Variants in ACVR1C observed in about 807,000 individuals in gnomAD.
The protein encoded by ACVR1C is activin receptor type-1C.
In ACVR1C, 23 loss-of-function variants were observed where a neutral mutation model predicts 57.9. The ratio of observed to expected loss-of-function variants is 0.40; its 90% CI spans 0.29 to 0.56. The LOEUF (loss-of-function observed/expected upper bound fraction) is 0.56, where lower values mean the gene tolerates loss of function less well. Among genes scored for constraint, ACVR1C ranks in the 20% least tolerant of loss-of-function variants. The pLI, the probability that ACVR1C is intolerant of heterozygous loss-of-function variation, is 0.50. For synonymous variants in ACVR1C, 214 were observed against 215.3 expected, an observed-to-expected ratio of 0.99 and a Z score of 0.05; for missense variants, 480 against 607.9, an observed-to-expected ratio of 0.79 and a Z score of 2.21.
chr2:157,601,352 G>A (rs1305988743), intron 1 of ACVR1C, among the ~76,000 whole-genome samples: 2 of 151,912 alleles, frequency 1.3e-5, no homozygotes, highest in African/African-American at 2.4e-5. Context: ...TAAAAAAGAA[G>A]GTAGGTTACC....
At chr2:157,590,745 A>C (rs1353039142) in intron 1 of ACVR1C, among the ~76,000 whole-genome samples, 1 of 151,958 alleles carries the variant, frequency 6.6e-6, no homozygotes, top group African/African-American at 2.4e-5. Flanking sequence ...ACATGTTTCA[A>C]GGCACTTTCC....
At chr2:157,597,198 T>C (rs950020043) in intron 1 of ACVR1C, among the ~76,000 whole-genome samples, 5 of 152,190 alleles carry the variant, frequency 3.3e-5, no homozygotes, top group African/African-American at 1.2e-4. Flanking sequence ...AAATACCTCC[T>C]GCTGCGACGC....
intron 1 of ACVR1C, among the ~76,000 whole-genome samples, chr2:157,598,502 T>A (rs1012338316): frequency 6.6e-6 from 1 of 151,686 alleles, no homozygotes; most frequent in Non-Finnish European, 1.5e-5. Flanking sequence ...TGGATAAACA[T>A]AATTGTATTT....
Position 157,531,938 on chromosome 2 carries a change from C to T in ACVR1C, c.*1980G>A, listed in dbSNP as rs1025308918. 7 of 152,086 alleles carry T rather than the reference C, an allele frequency of 4.6e-5. No individual in the cohort carries two copies. The highest frequency in any genetic ancestry group is 7.2e-5 in the African/African-American group (3 of 41,426). The allele number at this position is 152,086 out of a possible 1,614,324, so 9.4% of individuals were successfully genotyped here. On this transcript the variant is annotated 3_prime_UTR_variant, in exon 9 of 9. Transcript: ENST00000243349. ...TCCCTATTCCCATTCCCAAATTAGA[C>T]TTTAAAATCCCTGAGGGCAGGACCT... is the stretch of plus-strand genomic sequence containing the variant.
In ACVR1C at chr2:157,609,196, T is replaced by A. The variant is rs992364214; in HGVS notation, c.73+19376A>T. Among the ~76,000 whole-genome samples, 5 of 152,040 alleles carry A rather than the reference T, an allele frequency of 3.3e-5. No homozygotes were observed. In the South Asian group the frequency reaches 6.2e-4, roughly 19 times the overall value. On this transcript the variant is annotated intron_variant, in intron 1 of 8. Coordinates refer to ENST00000243349, the MANE Select transcript of ACVR1C (RefSeq NM_145259.3). ...TTTCACTGGTTTCAAGACTTTTTTT[T>A]AAATTTCCATCTTCATTTCTTCCTT...
chr2:157,610,259 G>A lies in ACVR1C; in HGVS notation c.73+18313C>T, dbSNP rs116252387. Among the ~76,000 whole-genome samples, 1,097 of 152,126 alleles carry A rather than the reference G, an allele frequency of 7.2e-3. 14 individuals are homozygous for A. Among genetic ancestry groups the A allele is most frequent in the African/African-American group, 0.025 (1,045 of 41,542 alleles). ...GTGGTGATAAATTCCCTCAGCATTT[G>A]CTTATCTAAGAAGGACTTTATTTCT... On this transcript the variant is annotated intron_variant, in intron 1 of 8. Transcript: ENST00000243349.
chr2:157,618,250 G>A (rs893661986), intron 1 of ACVR1C, among the ~76,000 whole-genome samples: 1 of 151,632 alleles, frequency 6.6e-6, no homozygotes, highest in African/African-American at 2.4e-5. Flanking sequence ...ATGATGGTAA[G>A]GTTCTTAAAT....
At chr2:157,622,421 T>C (rs1437608574) in intron 1 of ACVR1C, among the ~76,000 whole-genome samples, 1 of 152,080 alleles carries the variant, frequency 6.6e-6, no homozygotes, top group Non-Finnish European at 1.5e-5. Context: ...AACAGACACA[T>C]AGACCAATGC....
chr2:157,548,253 A>G (rs1573909831), intron 4 of ACVR1C, among the ~76,000 whole-genome samples: 1 of 150,902 alleles, frequency 6.6e-6, no homozygotes, highest in East Asian at 1.9e-4. Context: ...GGAGAACTAC[A>G]AACCACTGCT....
At chr2:157,607,594 A>G (rs1234745601) in intron 1 of ACVR1C, among the ~76,000 whole-genome samples, 4 of 151,832 alleles carry the variant, frequency 2.6e-5, no homozygotes, top group African/African-American at 9.7e-5. Context: ...CTTCAGATCT[A>G]TGAGCATGGA....
intron 1 of ACVR1C, among the ~76,000 whole-genome samples, chr2:157,613,609 G>T (rs1682583274): frequency 6.6e-6 from 1 of 152,140 alleles, no homozygotes; most frequent in Non-Finnish European, 1.5e-5. Flanking sequence ...GGTTTTAAAT[G>T]CATCTGTTGA....
intron 1 of ACVR1C, among the ~76,000 whole-genome samples, chr2:157,626,918 G>C (rs377267760): frequency 2.0e-5 from 3 of 152,200 alleles, no homozygotes; most frequent in South Asian, 2.1e-4. Flanking sequence ...AATTTTAAGT[G>C]AGCGACTTTG....
At chr2:157,627,016 C>A (rs145552473) in intron 1 of ACVR1C, among the ~76,000 whole-genome samples, 19 of 152,194 alleles carry the variant, frequency 1.2e-4, no homozygotes, top group African/African-American at 3.4e-4. Context: ...TTGCTATGCT[C>A]AAGGTCTCTG....
At chr2:157,620,718 C>G (rs905708410) in intron 1 of ACVR1C, among the ~76,000 whole-genome samples, 5 of 152,078 alleles carry the variant, frequency 3.3e-5, no homozygotes, top group African/African-American at 1.2e-4. Context: ...AGCATATCCA[C>G]CACCTCAAAC....
intron 1 of ACVR1C, among the ~76,000 whole-genome samples, chr2:157,598,810 GC>G (rs1275722024): frequency 2.0e-5 from 3 of 151,952 alleles, no homozygotes; most frequent in African/African-American, 7.2e-5. Flanking sequence ...AAGTGCTGGG[GC>G]TACAGGCGTG....
intron 4 of ACVR1C, among the ~76,000 whole-genome samples, chr2:157,549,423 C>T (rs1036848434): frequency 1.3e-5 from 2 of 152,030 alleles, no homozygotes; most frequent in African/African-American, 2.4e-5. Context: ...CTGATGCCTC[C>T]GTATCTCTTC....
intron 1 of ACVR1C, among the ~76,000 whole-genome samples, chr2:157,597,133 C>T (rs1682144034): frequency 6.6e-6 from 1 of 152,208 alleles, no homozygotes; most frequent in Non-Finnish European, 1.5e-5. Context: ...ACGGTCCAGA[C>T]AGCACCCACC....
rs966934645 is a variant in ACVR1C at position 157,532,798 on chromosome 2, C to T, written c.*1120G>A. 4.6e-5 allele frequency: 7 copies of T among 152,220 alleles called. No homozygotes were observed. Among genetic ancestry groups the T allele is most frequent in the Admixed American group, 3.3e-4 (5 of 15,270 alleles). 9.4% of individuals were successfully genotyped at this position (152,220 alleles called of 1,614,324 possible). The stretch of plus-strand genomic sequence containing the variant: ...TCATTGAAGAGTTTTCTTAATTCTT[C>T]TCAATATATTCTCAAAATATTTCCT... On this transcript the variant is annotated 3_prime_UTR_variant, in exon 9 of 9. Transcript: ENST00000243349.
intron 3 of ACVR1C, among the ~76,000 whole-genome samples, chr2:157,554,256 AAAGAAAGAAAGAAAGG>A (rs1558975049): frequency 3.8e-5 from 5 of 130,428 alleles, no homozygotes; most frequent in Non-Finnish European, 8.0e-5. Flanking sequence ...AGAAAGAAAG[AAAGAAAGAAAGAAAGG>A]AAGGAAGGAA....
Sources: allele counts gnomAD v4.1 joint callset (sites outside exome capture counted in the v4.1 genomes callset), GRCh38; gene constraint gnomAD v4.1.1; transcripts MANE v1.5; gene names NCBI Gene and HGNC (gene_info 2026-07-23, HGNC 2026-07-21).